The following TRAK2 variants were observed in gnomAD, a reference collection of about 807,000 sequenced individuals.
The protein encoded by TRAK2 is trafficking kinesin protein 2.
In TRAK2, 81 loss-of-function variants were observed where a neutral mutation model predicts 104.6. That is an observed-to-expected ratio of 0.77 (90% CI 0.65 to 0.93). The LOEUF (loss-of-function observed/expected upper bound fraction) is 0.93. Ranked by LOEUF, TRAK2 falls within the 40% of genes least tolerant of loss-of-function variation. The pLI is 0.00. For missense variants in TRAK2, 1,002 were observed against 1,089.0 expected, an observed-to-expected ratio of 0.92 and a Z score of 1.12; for synonymous variants, 406 against 394.4, an observed-to-expected ratio of 1.03 and a Z score of -0.35.
chr2:201,393,939 A>C (rs947208671), intron 9 of TRAK2, among the ~76,000 whole-genome samples: 10 of 152,284 alleles, frequency 6.6e-5, no homozygotes, highest in Admixed American at 2.6e-4. Flanking sequence ...TGTAGAGACG[A>C]AGGTTTCCTT....
intron 3 of TRAK2, among the ~76,000 whole-genome samples, chr2:201,403,813 CT>C (rs767432179): frequency 2.0e-5 from 3 of 149,350 alleles, no homozygotes; most frequent in Non-Finnish European, 4.4e-5. Context: ...CAAAAATGAA[CT>C]TTAAAATGCC....
chr2:201,438,390 G>A (rs1396337504), intron 1 of TRAK2, among the ~76,000 whole-genome samples: 1 of 152,164 alleles, frequency 6.6e-6, no homozygotes, highest in Non-Finnish European at 1.5e-5. Context: ...CTTACTAGGT[G>A]CCAGGCATCA....
chr2:201,433,967 T>A (rs1951862844), intron 1 of TRAK2, among the ~76,000 whole-genome samples: 3 of 152,088 alleles, frequency 2.0e-5, no homozygotes, highest in African/African-American at 7.2e-5. Flanking sequence ...ATCATTCTTT[T>A]TTTTTTTTGA....
At chr2:201,412,424 G>C (rs1023413816) in intron 2 of TRAK2, 1 of 1,281,058 alleles carries the variant, frequency 7.8e-7, no homozygotes, top group African/African-American at 1.5e-5. Context: ...ACTTCCTCAG[G>C]TATATTTATA....
At chr2:201,431,946 A>T (rs2125659341) in intron 1 of TRAK2, among the ~76,000 whole-genome samples, 1 of 152,354 alleles carries the variant, frequency 6.6e-6, no homozygotes, top group South Asian at 2.1e-4. Context: ...CAGCTACCTC[A>T]GAGGGTTATT....
chr2:201,393,596 C>A (rs1408424601), intron 9 of TRAK2, among the ~76,000 whole-genome samples: 2 of 152,220 alleles, frequency 1.3e-5, no homozygotes, highest in South Asian at 2.1e-4. Flanking sequence ...AAAATTTCTT[C>A]AAGTGCAGTA....
intron 1 of TRAK2, among the ~76,000 whole-genome samples, chr2:201,439,667 A>G (rs1444116240): frequency 6.6e-6 from 1 of 152,064 alleles, no homozygotes; most frequent in African/African-American, 2.4e-5. Flanking sequence ...AGATGGCAAA[A>G]TAGAAAATAA....
chr2:201,403,310 G>C (rs1339345048), intron 3 of TRAK2, among the ~76,000 whole-genome samples: 3 of 152,148 alleles, frequency 2.0e-5, no homozygotes, highest in Non-Finnish European at 4.4e-5. Context: ...TCTTCTCTGA[G>C]AGAAATTATG....
intron 1 of TRAK2, among the ~76,000 whole-genome samples, chr2:201,423,143 T>C (rs979282367): frequency 6.6e-6 from 1 of 151,250 alleles, no homozygotes; most frequent in African/African-American, 2.4e-5. Flanking sequence ...GGTGCAATCA[T>C]AGCTCACTAT....
intron 1 of TRAK2, among the ~76,000 whole-genome samples, chr2:201,422,049 C>CAAAAAAAAAAAAAAAAAAAAAATAAAAA (rs71022367): frequency 1.1e-5 from 1 of 91,134 alleles, no homozygotes; most frequent in Non-Finnish European, 2.2e-5. Context: ...GACTCTGTCT[C>CAAAAAAAAAAAAAAAAAAAAAATAAAAA]AAAAAAAAAA....
intron 1 of TRAK2, among the ~76,000 whole-genome samples, chr2:201,445,080 C>T (rs1316700354): frequency 1.3e-5 from 2 of 152,170 alleles, no homozygotes; most frequent in South Asian, 2.1e-4. Context: ...AGGATCTTTA[C>T]AAAATGAATT....
intron 3 of TRAK2, among the ~76,000 whole-genome samples, chr2:201,404,892 C>A (rs544127334): frequency 1.1e-4 from 16 of 152,306 alleles, no homozygotes; most frequent in South Asian, 1.0e-3. Context: ...GTGACCACAG[C>A]CCTTGCTGCT....
intron 3 of TRAK2, among the ~76,000 whole-genome samples, chr2:201,406,140 C>A (rs1248950281): frequency 6.6e-6 from 1 of 152,154 alleles, no homozygotes; most frequent in Non-Finnish European, 1.5e-5. Flanking sequence ...GCCTTTGGAG[C>A]CTTAATTTAA....
At chr2:201,413,786 A>G (rs1271793483) in intron 2 of TRAK2, among the ~76,000 whole-genome samples, 1 of 152,128 alleles carries the variant, frequency 6.6e-6, no homozygotes, top group Non-Finnish European at 1.5e-5. Context: ...TACAGGACAA[A>G]GGCTGACAAC....
rs147847168 is a variant in TRAK2 at position 201,386,231 on chromosome 2, A to G, written c.1950T>C (p.Gly650=). 94 of 1,614,136 alleles carry G rather than the reference A, an allele frequency of 5.8e-5. No homozygotes were observed. The African/African-American group carries it at 1.1e-3, about 18-fold the overall frequency. ...CACTCTTCTCACCTGTAACTGGTCC[A>G]CCTGCTGAAGTAATGGGTGGCAGGA... ...GIFLPPITSA[G]GPVTVATANP... The change falls in exon 14 of 16, where the codon GGT becomes GGC. Residue 650 remains glycine (G), a synonymous_variant. Coordinates refer to ENST00000332624, the MANE Select transcript of TRAK2 (RefSeq NM_015049.3).
At chr2:201,421,843 G>T (rs1412474372) in intron 1 of TRAK2, among the ~76,000 whole-genome samples, 1 of 151,988 alleles carries the variant, frequency 6.6e-6, no homozygotes, top group Non-Finnish European at 1.5e-5. Context: ...GAGGTAAGGG[G>T]TTCCAGACCA....
chr2:201,448,566 C>G (rs543318402), intron 1 of TRAK2, among the ~76,000 whole-genome samples: 1 of 152,212 alleles, frequency 6.6e-6, no homozygotes, highest in Non-Finnish European at 1.5e-5. Context: ...CTATTTCTTA[C>G]CAACTAAACA....
intron 1 of TRAK2, among the ~76,000 whole-genome samples, chr2:201,424,633 C>T (rs1951771122): frequency 6.6e-6 from 1 of 150,956 alleles, no homozygotes; most frequent in Non-Finnish European, 1.5e-5. Context: ...GACAGAGTCT[C>T]ACTCTTTCGC....
chr2:201,417,241 C>CAAAAAAAAAAAAAAAAAAAGAAA (rs61702415), intron 2 of TRAK2, among the ~76,000 whole-genome samples: 1 of 88,432 alleles, frequency 1.1e-5, no homozygotes, highest in Non-Finnish European at 2.2e-5. Context: ...GAAGACATTG[C>CAAAAAAAAAAAAAAAAAAAGAAA]AAAAAAAAAA....
Sources: allele counts gnomAD v4.1 joint callset (sites outside exome capture counted in the v4.1 genomes callset), GRCh38; gene constraint gnomAD v4.1.1; transcripts MANE v1.5; gene names NCBI Gene and HGNC (gene_info 2026-07-23, HGNC 2026-07-21).